The following CCSER1 variants were observed in gnomAD, a reference collection of about 807,000 sequenced individuals.
CCSER1 encodes the protein coiled-coil serine rich protein 1, also known as serine-rich coiled-coil domain-containing protein 1.
Under a neutral mutation model 82.0 loss-of-function variants are expected in CCSER1, and 41 were observed. That is an observed-to-expected ratio of 0.50 (90% CI 0.39 to 0.65). The LOEUF (loss-of-function observed/expected upper bound fraction) is 0.65. Among genes scored for constraint, CCSER1 ranks in the 30% least tolerant of loss-of-function variants. The pLI is 0.00. For synonymous variants in CCSER1, 414 were observed against 383.9 expected, an observed-to-expected ratio of 1.08 and a Z score of -0.92; for missense variants, 1,119 against 1,064.2, an observed-to-expected ratio of 1.05 and a Z score of -0.72.
chr4:90,477,136 T>G (rs1466854701), intron 5 of CCSER1, among the ~76,000 whole-genome samples: 4 of 152,230 alleles, frequency 2.6e-5, no homozygotes, highest in African/African-American at 9.6e-5. Context: ...GATATTTTAT[T>G]TGAATGTGTT....
At chr4:90,549,026 C>T (rs1489195802) in intron 5 of CCSER1, among the ~76,000 whole-genome samples, 2 of 152,060 alleles carry the variant, frequency 1.3e-5, no homozygotes, top group Admixed American at 1.3e-4. Flanking sequence ...TAGGAACACA[C>T]TTTACAAAGC....
intron 1 of CCSER1, among the ~76,000 whole-genome samples, chr4:90,156,888 T>C (rs1195391795): frequency 6.6e-6 from 1 of 152,210 alleles, no homozygotes; most frequent in East Asian, 1.9e-4. Flanking sequence ...AAGTTAATAT[T>C]GTTATGTGTG....
intron 1 of CCSER1, among the ~76,000 whole-genome samples, chr4:90,264,218 T>C (rs1166626697): frequency 2.0e-5 from 3 of 152,200 alleles, no homozygotes; most frequent in African/African-American, 4.8e-5. Flanking sequence ...ACAGTCCCAA[T>C]TTGTAAATGG....
At chr4:91,339,471 G>A (rs1211558293) in intron 10 of CCSER1, among the ~76,000 whole-genome samples, 1 of 152,026 alleles carries the variant, frequency 6.6e-6, no homozygotes, top group Non-Finnish European at 1.5e-5. Flanking sequence ...GCTGACTTAA[G>A]GCTGTTGGAT....
chr4:91,136,831 T>C (rs1581623945), intron 10 of CCSER1, among the ~76,000 whole-genome samples: 1 of 152,216 alleles, frequency 6.6e-6, no homozygotes, highest in Middle Eastern at 3.4e-3. Context: ...TTATACAATA[T>C]GAGAAAAACT....
chr4:90,662,000 C>CTTTTTTT (rs768964116), intron 6 of CCSER1, among the ~76,000 whole-genome samples: 1 of 136,176 alleles, frequency 7.3e-6, no homozygotes. Context: ...TTCTTTCTTT[C>CTTTTTTT]TTTTTTTTTT....
chr4:90,622,433 G>T lies in CCSER1; in HGVS notation c.1725-5592G>T, dbSNP rs979588442. On this transcript the variant is annotated intron_variant, in intron 5 of 10. Coordinates refer to ENST00000509176, the MANE Select transcript of CCSER1 (RefSeq NM_001145065.2). ...ATCCCTTCCCCTGCCCCAACCCCTC[G>T]ACAGGCCCCGGTGCGTGATGTTCCC... Among the ~76,000 whole-genome samples, 4 of 151,990 alleles carry T rather than the reference G, an allele frequency of 2.6e-5. 1 individual carries two copies.
intron 10 of CCSER1, among the ~76,000 whole-genome samples, chr4:91,594,390 TAC>T (rs1430132584): frequency 7.2e-6 from 1 of 139,010 alleles, no homozygotes; most frequent in Non-Finnish European, 1.6e-5. Flanking sequence ...CACACATATA[TAC>T]ATATATACAC....
chr4:90,454,900 A>G (rs1394844421), intron 4 of CCSER1, among the ~76,000 whole-genome samples: 3 of 152,316 alleles, frequency 2.0e-5, no homozygotes, highest in East Asian at 1.9e-4. Flanking sequence ...TAATGAGACT[A>G]TATTTGCCAG....
intron 3 of CCSER1, among the ~76,000 whole-genome samples, chr4:90,363,928 G>A (rs1478083191): frequency 6.6e-6 from 1 of 151,918 alleles, no homozygotes; most frequent in Admixed American, 6.6e-5. Flanking sequence ...TGCTTTTGTG[G>A]TATCCCATAA....
intron 10 of CCSER1, among the ~76,000 whole-genome samples, chr4:91,372,753 T>C (rs1202974810): frequency 6.6e-6 from 1 of 152,164 alleles, no homozygotes; most frequent in Admixed American, 6.6e-5. Flanking sequence ...CGGTAGTTTA[T>C]TATGTCTTCT....
intron 1 of CCSER1, among the ~76,000 whole-genome samples, chr4:90,180,963 C>A (rs927955299): frequency 1.3e-5 from 2 of 152,138 alleles, no homozygotes; most frequent in African/African-American, 4.8e-5. Flanking sequence ...TATTTAGACT[C>A]TTTCTGTCTC....
At chr4:90,845,165 A>G (rs1413399968) in intron 8 of CCSER1, among the ~76,000 whole-genome samples, 1 of 152,068 alleles carries the variant, frequency 6.6e-6, no homozygotes, top group African/African-American at 2.4e-5. Flanking sequence ...GATCGAGACC[A>G]TCGTGGCCAA....
chr4:90,808,351 AC>A (rs1329258007), intron 7 of CCSER1, among the ~76,000 whole-genome samples: 3 of 152,102 alleles, frequency 2.0e-5, no homozygotes, highest in Non-Finnish European at 4.4e-5. Flanking sequence ...TTTGACTATG[AC>A]CCCAAAAACA....
At chr4:90,611,022 C>T (rs893606011) in intron 5 of CCSER1, among the ~76,000 whole-genome samples, 8 of 150,022 alleles carry the variant, frequency 5.3e-5, no homozygotes, top group Non-Finnish European at 8.9e-5. Context: ...GGTTTACAGG[C>T]GCCCGCCACC....
chr4:91,151,008 T>C (rs1452628764), intron 10 of CCSER1, among the ~76,000 whole-genome samples: 4 of 152,222 alleles, frequency 2.6e-5, no homozygotes, highest in African/African-American at 9.6e-5. Flanking sequence ...GAGGATTCCC[T>C]CTTTTTTTAT....
chr4:91,487,968 C>T (rs1388337912), intron 10 of CCSER1, among the ~76,000 whole-genome samples: 1 of 151,548 alleles, frequency 6.6e-6, no homozygotes, highest in Non-Finnish European at 1.5e-5. Context: ...TTATATAAGA[C>T]AAAATATAAA....
chr4:91,151,761 A>C (rs535343914), intron 10 of CCSER1, among the ~76,000 whole-genome samples: 3 of 152,272 alleles, frequency 2.0e-5, no homozygotes, highest in Admixed American at 1.3e-4. Flanking sequence ...CAGGTTGTTC[A>C]GTTTCCATGT....
At chr4:91,469,523 C>A (rs778763937) in intron 10 of CCSER1, among the ~76,000 whole-genome samples, 11 of 152,126 alleles carry the variant, frequency 7.2e-5, no homozygotes, top group Non-Finnish European at 1.3e-4. Flanking sequence ...CCCCTGTTAT[C>A]CTTCACATTG....
Sources: gnomAD v4.1 joint callset for allele counts (sites outside exome capture counted in the v4.1 genomes callset) on GRCh38, gnomAD v4.1.1 for gene constraint, MANE v1.5 for transcripts, NCBI Gene and HGNC (gene_info 2026-07-23, HGNC 2026-07-21) for gene names.